The following ANK3 variants were observed in gnomAD, a reference collection of about 807,000 sequenced individuals.
ANK3 encodes the protein ankyrin-3.
Under a neutral mutation model 370.9 loss-of-function variants are expected in ANK3, and 57 were observed. The ratio of observed to expected loss-of-function variants is 0.15; its 90% CI spans 0.12 to 0.19. The LOEUF is 0.19. Among genes scored for constraint, ANK3 ranks in the 10% least tolerant of loss-of-function variants. ANK3 has a pLI of 1.00. For missense variants in ANK3, 4,439 were observed against 5,302.1 expected, an observed-to-expected ratio of 0.84 and a Z score of 5.06; for synonymous variants, 1,929 against 1,946.3, an observed-to-expected ratio of 0.99 and a Z score of 0.23.
chr10:60,540,890 C>T (rs187474011), intron 2 of ANK3, among the ~76,000 whole-genome samples: 4 of 151,972 alleles, frequency 2.6e-5, no homozygotes, highest in Non-Finnish European at 4.4e-5. Context: ...ATCAAAATTT[C>T]ACTCCAAGTA....
rs1353460033 is a variant in ANK3 at position 60,384,777 on chromosome 10, A to G, written c.114+4648T>C. On this transcript the variant is annotated intron_variant, in intron 1 of 43. Transcript: ENST00000280772. ...AAATGGCCTGGGAGAAAAGACATGA[A>G]TCCAGGACATTTAATTCTTCCTCTT... is the stretch of plus-strand genomic sequence containing the variant. Among the ~76,000 whole-genome samples, 6 of 152,208 alleles carry G rather than the reference A, an allele frequency of 3.9e-5. No homozygotes were observed. In the East Asian group the frequency reaches 1.2e-3, roughly 29 times the overall value.
intron 43 of ANK3, among the ~76,000 whole-genome samples, chr10:60,034,404 C>A (rs1400391643): frequency 6.6e-6 from 1 of 152,108 alleles, no homozygotes; most frequent in Non-Finnish European, 1.5e-5. Context: ...CCATGCCCAG[C>A]CTGAAATTCT....
chr10:60,609,430 A>G (rs566100561), intron 2 of ANK3, among the ~76,000 whole-genome samples: 14 of 152,294 alleles, frequency 9.2e-5, no homozygotes, highest in African/African-American at 3.1e-4. Flanking sequence ...ATTGTAGAGT[A>G]AGAATTTACC....
At chr10:60,202,890 G>T in intron 12 of ANK3, 112 bp downstream of exon 12, 1 of 682,156 alleles carries the variant, frequency 1.5e-6, no homozygotes, top group South Asian at 2.2e-5. Flanking sequence ...CTGGGAGACA[G>T]AGCGATACTC....
At chr10:60,273,562 A>G (rs2098035625) in intron 4 of ANK3, among the ~76,000 whole-genome samples, 1 of 152,096 alleles carries the variant, frequency 6.6e-6, no homozygotes, top group Non-Finnish European at 1.5e-5. Flanking sequence ...TATTCTGGAT[A>G]TTCTATATAA....
At chr10:60,493,003 C>A (rs1473353351) in intron 2 of ANK3, among the ~76,000 whole-genome samples, 1 of 150,030 alleles carries the variant, frequency 6.7e-6, no homozygotes, top group Admixed American at 6.7e-5. Flanking sequence ...TGGTGTGAAT[C>A]CAGGAGGTGG....
chr10:60,625,543 A>G (rs1395670475), intron 1 of ANK3, among the ~76,000 whole-genome samples: 1 of 152,216 alleles, frequency 6.6e-6, no homozygotes, highest in African/African-American at 2.4e-5. Flanking sequence ...TATCAAAATC[A>G]GTTTATTTCC....
chr10:60,540,737 T>C (rs1365562809), intron 2 of ANK3, among the ~76,000 whole-genome samples: 1 of 151,926 alleles, frequency 6.6e-6, no homozygotes, highest in Non-Finnish European at 1.5e-5. Flanking sequence ...GCATTTTGAA[T>C]GTGGAGCTGA....
At chr10:60,100,292 A>G (rs1565001771) in intron 28 of ANK3, among the ~76,000 whole-genome samples, 1 of 65,468 alleles carries the variant, frequency 1.5e-5, no homozygotes, top group South Asian at 4.3e-4. Flanking sequence ...GTTAAATTGT[A>G]TTTTTATTCT....
At chr10:60,627,360 C>T (rs142766989) in intron 1 of ANK3, among the ~76,000 whole-genome samples, 112 of 151,506 alleles carry the variant, frequency 7.4e-4, no homozygotes, top group African/African-American at 2.6e-3. Flanking sequence ...GGGCTATATA[C>T]CATAACAAAT....
intron 5 of ANK3, among the ~76,000 whole-genome samples, chr10:60,267,001 T>C (rs1049355299): frequency 6.6e-6 from 1 of 152,158 alleles, no homozygotes; most frequent in Non-Finnish European, 1.5e-5. Context: ...AGAGAAAAGA[T>C]ATGAGATGCA....
chr10:60,221,999 G>A (rs1307114395), intron 8 of ANK3, among the ~76,000 whole-genome samples: 1 of 152,184 alleles, frequency 6.6e-6, no homozygotes, highest in African/African-American at 2.4e-5. Context: ...GTTTCCCCAA[G>A]GTACAACTCA....
intron 2 of ANK3, among the ~76,000 whole-genome samples, chr10:60,500,544 G>A (rs1420947626): frequency 1.3e-5 from 2 of 152,152 alleles, no homozygotes; most frequent in African/African-American, 2.4e-5. Flanking sequence ...AACAGTAAGT[G>A]CAGATACTCT....
At chr10:60,576,253 C>T (rs184171920) in intron 2 of ANK3, among the ~76,000 whole-genome samples, 2 of 152,232 alleles carry the variant, frequency 1.3e-5, no homozygotes, top group African/African-American at 2.4e-5. Context: ...AGTTCACTCC[C>T]GATAGAAGTC....
intron 1 of ANK3, among the ~76,000 whole-genome samples, chr10:60,703,509 A>G (rs532427482): frequency 4.6e-5 from 7 of 152,318 alleles, no homozygotes; most frequent in African/African-American, 1.4e-4. Flanking sequence ...ATTGTCCACA[A>G]TGAACAGTCA....
chr10:60,430,988 T>C (rs2064008425), intron 2 of ANK3, among the ~76,000 whole-genome samples: 1 of 152,216 alleles, frequency 6.6e-6, no homozygotes, highest in Non-Finnish European at 1.5e-5. Context: ...CCAACCTTTT[T>C]GGCACCAGGA....
chr10:60,392,678 C>CAGCACTTTGGG (rs1718503768), upstream of ANK3, among the ~76,000 whole-genome samples: 1 of 152,168 alleles, frequency 6.6e-6, no homozygotes, highest in Non-Finnish European at 1.5e-5. Context: ...CCTATAATCC[C>CAGCACTTTGGG]AGCACTTTGG....
intron 2 of ANK3, among the ~76,000 whole-genome samples, chr10:60,609,259 T>C (rs1310656598): frequency 6.6e-6 from 1 of 152,184 alleles, no homozygotes; most frequent in Admixed American, 6.5e-5. Flanking sequence ...TCATGATTCC[T>C]AATGAGTAAC....
chr10:60,475,832 G>A (rs1315301629), intron 2 of ANK3, among the ~76,000 whole-genome samples: 1 of 152,030 alleles, frequency 6.6e-6, no homozygotes, highest in Admixed American at 6.6e-5. Context: ...AGTCGCTTTC[G>A]AAAAAATCTG....
Sources: gnomAD v4.1 joint callset for allele counts (sites outside exome capture counted in the v4.1 genomes callset) on GRCh38, gnomAD v4.1.1 for gene constraint, MANE v1.5 for transcripts, NCBI Gene and HGNC (gene_info 2026-07-23, HGNC 2026-07-21) for gene names.